The following DRC11 variants were observed in gnomAD, a reference collection of about 807,000 sequenced individuals.
DRC11 encodes the protein dynein regulatory complex subunit 11, also known as IQ and AAA domain-containing protein 1.
the DRC11 span, among the ~76,000 whole-genome samples, chr2:236,410,003 C>T: frequency 1.4e-4 from 22 of 152,204 alleles, no homozygotes; most frequent in Non-Finnish European, 2.5e-4. Flanking sequence ...CTGCTGGATT[C>T]GGTTTGCCAG....
At chr2:236,368,148 G>A in the DRC11 span, 9 of 1,158,090 alleles carry the variant, frequency 7.8e-6, no homozygotes, top group Middle Eastern at 2.4e-4. Context: ...AGCAAGCGGT[G>A]CAAGCTGCTT....
the DRC11 span, among the ~76,000 whole-genome samples, chr2:236,468,635 T>C: frequency 2.6e-5 from 4 of 152,180 alleles, no homozygotes; most frequent in Non-Finnish European, 5.9e-5. Flanking sequence ...ATCCAATTCT[T>C]ATGTCGTCCA....
the DRC11 span, among the ~76,000 whole-genome samples, chr2:236,311,316 G>A: frequency 3.9e-5 from 6 of 152,220 alleles, no homozygotes; most frequent in Non-Finnish European, 7.3e-5. The surrounding 1 kb of genome is among the most constrained non-coding windows in gnomAD (Gnocchi z 6.9). Flanking sequence ...CCACAGGGTT[G>A]GAGGCAGCAG....
At chr2:236,345,770 C>A in the DRC11 span, among the ~76,000 whole-genome samples, 2 of 152,184 alleles carry the variant, frequency 1.3e-5, no homozygotes, top group Non-Finnish European at 2.9e-5. Context: ...GTGCTTTGTG[C>A]GAAATTGTGA....
At chr2:236,357,572 A>G in the DRC11 span, among the ~76,000 whole-genome samples, 1 of 126,692 alleles carries the variant, frequency 7.9e-6, no homozygotes. Flanking sequence ...ATATATGCAT[A>G]GTTATATATT....
chr2:236,469,644 T>C, the DRC11 span, among the ~76,000 whole-genome samples: 1 of 152,194 alleles, frequency 6.6e-6, no homozygotes, highest in Admixed American at 6.5e-5. The surrounding 1 kb of genome is among the most constrained non-coding windows in gnomAD (Gnocchi z 5.8). Context: ...CTGACAAAAA[T>C]ACATTTGGGT....
the DRC11 span, among the ~76,000 whole-genome samples, chr2:236,461,182 A>AT: frequency 6.6e-6 from 1 of 152,194 alleles, no homozygotes; most frequent in Non-Finnish European, 1.5e-5. The surrounding 1 kb of genome is among the most constrained non-coding windows in gnomAD (Gnocchi z 4.0). Flanking sequence ...AATAAATTAG[A>AT]TTTTACCCTG....
At chr2:236,312,638 A>G in the DRC11 span, among the ~76,000 whole-genome samples, 3 of 152,108 alleles carry the variant, frequency 2.0e-5, no homozygotes, top group African/African-American at 7.2e-5. Flanking sequence ...ACTATCTTCA[A>G]GAAGAAAAAT....
chr2:236,504,865 T>G, the DRC11 span, among the ~76,000 whole-genome samples: 13 of 152,200 alleles, frequency 8.5e-5, no homozygotes, highest in East Asian at 9.6e-4. This position sits in a 1 kb window ranked among gnomAD's most constrained non-coding sequence, Gnocchi z 5.0. Context: ...CATGTTTGAC[T>G]TCACCTGCTG....
chr2:236,372,989 T>C, the DRC11 span, among the ~76,000 whole-genome samples: 1 of 152,206 alleles, frequency 6.6e-6, no homozygotes, highest in African/African-American at 2.4e-5. The surrounding 1 kb of genome is among the most constrained non-coding windows in gnomAD (Gnocchi z 4.5). Flanking sequence ...TGTTGGATTT[T>C]CTTTGTCTGT....
the DRC11 span, among the ~76,000 whole-genome samples, chr2:236,466,394 T>C: frequency 6.6e-6 from 1 of 152,208 alleles, no homozygotes; most frequent in Admixed American, 6.5e-5. Flanking sequence ...AATTATGAGA[T>C]GTTCTGGTTT....
chr2:236,403,478 C>T, the DRC11 span, among the ~76,000 whole-genome samples: 1 of 151,568 alleles, frequency 6.6e-6, no homozygotes, highest in African/African-American at 2.4e-5. Flanking sequence ...AAGGGAATGG[C>T]CCCTTGGGAC....
the DRC11 span, among the ~76,000 whole-genome samples, chr2:236,437,127 T>G: frequency 7.4e-6 from 1 of 135,640 alleles, no homozygotes; most frequent in South Asian, 2.6e-4. Context: ...GAGTGTGATG[T>G]TCCCCTTCCT....
the DRC11 span, among the ~76,000 whole-genome samples, chr2:236,321,310 CG>C: frequency 6.6e-6 from 1 of 151,956 alleles, no homozygotes; most frequent in Admixed American, 6.6e-5. Flanking sequence ...TGGGGTAGTA[CG>C]GAGAGAATAC....
the DRC11 span, among the ~76,000 whole-genome samples, chr2:236,444,908 T>A: frequency 4.6e-5 from 7 of 152,364 alleles, no homozygotes; most frequent in African/African-American, 1.7e-4. Context: ...CACAATCATA[T>A]GGCCAGTGTG....
At chr2:236,358,428 ATAT>A in the DRC11 span, among the ~76,000 whole-genome samples, 8 of 138,116 alleles carry the variant, frequency 5.8e-5, no homozygotes, top group East Asian at 6.1e-4. Context: ...ATATGAATAT[ATAT>A]CATATATAAA....
chr2:236,366,787 C>T, the DRC11 span, among the ~76,000 whole-genome samples: 1 of 142,764 alleles, frequency 7.0e-6, no homozygotes, highest in African/African-American at 2.5e-5. Context: ...CCCTCCCTCT[C>T]CCTCTCCCTC....
At chr2:236,488,206 C>A in the DRC11 span, 3 of 1,536,118 alleles carry the variant, frequency 2.0e-6, no homozygotes, top group South Asian at 2.5e-5. Context: ...AAAAAACAGT[C>A]AAGATAAACC....
the DRC11 span, among the ~76,000 whole-genome samples, chr2:236,374,695 A>G: frequency 6.6e-6 from 1 of 151,758 alleles, no homozygotes; most frequent in Non-Finnish European, 1.5e-5. Flanking sequence ...TATTTGTATT[A>G]TTATTATTTT....
Sources: allele counts gnomAD v4.1 joint callset (sites outside exome capture counted in the v4.1 genomes callset), GRCh38; gene constraint gnomAD v4.1.1; non-coding constraint Gnocchi (gnomAD v3.1); transcripts MANE v1.5; gene names NCBI Gene and HGNC (gene_info 2026-07-23, HGNC 2026-07-21).